GSE1: variants seen among roughly 807,000 people sequenced by gnomAD.
The protein encoded by GSE1 is Gse1 coiled-coil protein.
GSE1 carries 32 observed loss-of-function variants against 112.6 expected under a neutral mutation model. The ratio of observed to expected loss-of-function variants is 0.28; its 90% CI spans 0.21 to 0.38. The LOEUF is 0.38. Among genes scored for constraint, GSE1 ranks in the 10% least tolerant of loss-of-function variants. The pLI, the probability that GSE1 is intolerant of heterozygous loss-of-function variation, is 1.00. For missense variants in GSE1, 2,348 were observed against 1,699.2 expected, an observed-to-expected ratio of 1.38 and a Z score of -6.71; for synonymous variants, 1,115 against 735.6, an observed-to-expected ratio of 1.52 and a Z score of -8.35.
upstream of GSE1, among the ~76,000 whole-genome samples, chr16:85,609,301 C>G (rs1246638298): frequency 6.6e-6 from 1 of 152,234 alleles, no homozygotes; most frequent in East Asian, 1.9e-4. Context: ...TGCAGTGGCA[C>G]AATCATACCT....
chr16:85,653,756 T>C (rs998350468), intron 3 of GSE1, among the ~76,000 whole-genome samples: 1 of 152,096 alleles, frequency 6.6e-6, no homozygotes, highest in African/African-American at 2.4e-5. Flanking sequence ...CAGTGCCAGC[T>C]TCCTTTGCCC....
chr16:85,302,744 C>G (rs898489575), intron 1 of GSE1, among the ~76,000 whole-genome samples: 6 of 152,182 alleles, frequency 3.9e-5, no homozygotes, highest in East Asian at 1.9e-4. Context: ...GGCATCTGAA[C>G]CTGAGAACGT....
Position 85,170,374 on chromosome 16 carries a change from G to C in GSE1, c.850G>C (p.Val284Leu), listed in dbSNP as rs796200071. 7.1e-6 allele frequency: 7 copies of C among 985,510 alleles called. No individual in the cohort carries two copies. The African/African-American group carries it at 8.7e-5, about 12-fold the overall frequency. 61.0% of individuals were successfully genotyped at this position (985,510 alleles called of 1,614,324 possible). A position where few individuals can be genotyped will look rare whatever the true frequency, so the allele number is the denominator to read the frequency against. ...TCAGGATCCCTGGCAAGGCCCTCTTGTCCAAGAGGCCCCTGCAGACGGCAT... is the reference window on the plus strand; with the variant it reads ...TCAGGATCCCTGGCAAGGCCCTCTTCTCCAAGAGGCCCCTGCAGACGGCAT... The change falls in exon 1 of 3, where the codon GTC (valine) becomes CTC (leucine). Residue 284 changes from valine to leucine, a missense_variant. Coordinates refer to the GSE1 transcript ENST00000637419.
intron 1 of GSE1, among the ~76,000 whole-genome samples, chr16:85,200,459 C>T (rs1483577770): frequency 1.3e-5 from 2 of 151,932 alleles, no homozygotes; most frequent in Admixed American, 1.3e-4. Flanking sequence ...ATGTGGTTTC[C>T]CCCACGTCAC....
intron 2 of GSE1, among the ~76,000 whole-genome samples, chr16:85,426,109 GGAAGGA>G (rs1332448832): frequency 7.2e-5 from 1 of 13,930 alleles, no homozygotes; most frequent in Non-Finnish European, 4.9e-4. Flanking sequence ...GAGGGAGGAA[GGAAGGA>G]AGGAAGGAAG....
intron 1 of GSE1, among the ~76,000 whole-genome samples, chr16:85,197,823 G>T (rs774827853): frequency 6.6e-6 from 1 of 152,204 alleles, no homozygotes; most frequent in Non-Finnish European, 1.5e-5. Context: ...CCGAGGCCTG[G>T]AGCAGAGAGA....
At chr16:85,289,661 G>T (rs1481359597) in intron 1 of GSE1, among the ~76,000 whole-genome samples, 1 of 152,192 alleles carries the variant, frequency 6.6e-6, no homozygotes, top group Non-Finnish European at 1.5e-5. Flanking sequence ...GCAACGGGGT[G>T]GTGGTGGGAT....
At chr16:85,651,604 T>C (rs2051363002) in intron 3 of GSE1, among the ~76,000 whole-genome samples, 2 of 152,238 alleles carry the variant, frequency 1.3e-5, no homozygotes, top group Admixed American at 6.5e-5. Context: ...GCGGGCAGCA[T>C]GCGGAGGAGG....
chr16:85,345,208 C>G (rs1360580608), intron 1 of GSE1, among the ~76,000 whole-genome samples: 3 of 152,074 alleles, frequency 2.0e-5, no homozygotes, highest in Non-Finnish European at 2.9e-5. Flanking sequence ...AAATGGTTGC[C>G]AAAAACAAAA....
At chr16:85,467,723 C>T (rs376675016) in intron 2 of GSE1, among the ~76,000 whole-genome samples, 2 of 152,292 alleles carry the variant, frequency 1.3e-5, no homozygotes, top group Non-Finnish European at 2.9e-5. Context: ...TGGTAGCCAC[C>T]AAAGGCTGCC....
upstream of GSE1, chr16:85,555,360 T>C: frequency 1.0e-6 from 1 of 970,004 alleles, no homozygotes; most frequent in South Asian, 5.0e-5. Context: ...TCTGAGTCAG[T>C]GGTGGGACGC....
rs138007465 is a variant in GSE1 at position 85,270,761 on chromosome 16, C to T, written c.2284-86702C>T. 1.3e-3 allele frequency among the ~76,000 whole-genome samples: 193 copies of T among 152,024 alleles called. 7 individuals are homozygous for T. The highest frequency in any genetic ancestry group is 4.5e-3 in the African/African-American group (187 of 41,494). The stretch of plus-strand genomic sequence containing the variant: ...GAGAGAATGTCGCCCTGGGTGTTTC[C>T]GGGGTGGGAGAGGTTCCTTATGAGG... On this transcript the variant is annotated intron_variant, in intron 1 of 2. Coordinates refer to the GSE1 transcript ENST00000637419.
chr16:85,411,031 C>T, intron 2 of GSE1, among the ~76,000 whole-genome samples: 1 of 80,006 alleles, frequency 1.2e-5, no homozygotes. Flanking sequence ...GGATAATCCT[C>T]ACTGTTACTC....
chr16:85,641,544 C>G (rs2050449907), intron 2 of GSE1, among the ~76,000 whole-genome samples: 1 of 152,246 alleles, frequency 6.6e-6, no homozygotes, highest in African/African-American at 2.4e-5. Flanking sequence ...TCTCCTGCTT[C>G]TCCCTGGAAC....
chr16:85,640,055 G>T (rs1420934230), intron 2 of GSE1, among the ~76,000 whole-genome samples: 1 of 152,206 alleles, frequency 6.6e-6, no homozygotes, highest in Non-Finnish European at 1.5e-5. Flanking sequence ...CTTCCCAGGT[G>T]GGCTGGAGAG....
upstream of GSE1, chr16:85,555,133 C>G: frequency 1.0e-6 from 1 of 985,404 alleles, no homozygotes; most frequent in Non-Finnish European, 1.2e-6. Context: ...TTCAGCCGCC[C>G]GCCGCTGCGC....
At chr16:85,208,994 C>T (rs186449356) in intron 1 of GSE1, among the ~76,000 whole-genome samples, 105 of 141,558 alleles carry the variant, frequency 7.4e-4, no homozygotes, top group African/African-American at 2.6e-3. Context: ...TGTTGGGGTT[C>T]GCCTGTGTTG....
At position 85,471,120 on chromosome 16, in the gene GSE1, G is replaced by A. The variant is rs116074524; in HGVS notation, c.2464+113477G>A. On this transcript the variant is annotated intron_variant, in intron 2 of 2. Transcript: ENST00000637419. ...CAGCCACGTGAGAGGTGCACGGCTCGGTCCTCCCCCATTCGCCCTGGGTGC... is the reference window on the plus strand; with the variant it reads ...CAGCCACGTGAGAGGTGCACGGCTCAGTCCTCCCCCATTCGCCCTGGGTGC... Among the ~76,000 whole-genome samples, 294 of 152,120 alleles carry A rather than the reference G, an allele frequency of 1.9e-3. 2 individuals are homozygous for A. Among genetic ancestry groups the A allele is most frequent in the African/African-American group, 6.7e-3 (280 of 41,494 alleles).
intron 1 of GSE1, among the ~76,000 whole-genome samples, chr16:85,208,666 G>GC (rs1478223196): frequency 7.5e-6 from 1 of 134,062 alleles, no homozygotes; most frequent in African/African-American, 2.8e-5. Flanking sequence ...ACTCTCCCTT[G>GC]TTTTTTTTTT....
Sources: allele counts gnomAD v4.1 joint callset (sites outside exome capture counted in the v4.1 genomes callset), GRCh38; gene constraint gnomAD v4.1.1; transcripts MANE v1.5; gene names NCBI Gene and HGNC (gene_info 2026-07-23, HGNC 2026-07-21).